CUL1: variants seen among roughly 807,000 people sequenced by gnomAD.
The protein encoded by CUL1 is cullin 1, also known as cullin-1.
CUL1 carries 24 observed loss-of-function variants against 118.0 expected under a neutral mutation model. The ratio of observed to expected loss-of-function variants is 0.20; its 90% CI spans 0.15 to 0.29. The LOEUF (loss-of-function observed/expected upper bound fraction) is 0.29. Ranked by LOEUF, CUL1 falls within the 10% of genes least tolerant of loss-of-function variation. The probability of loss-of-function intolerance (pLI) is 1.00; values close to 1 mark genes in which losing one functional copy is unlikely to be tolerated. For synonymous variants in CUL1, 332 were observed against 340.4 expected, an observed-to-expected ratio of 0.98 and a Z score of 0.27; for missense variants, 361 against 933.8, an observed-to-expected ratio of 0.39 and a Z score of 7.99.
intron 1 of CUL1, among the ~76,000 whole-genome samples, chr7:148,725,637 G>A (rs914646171): frequency 2.6e-5 from 4 of 152,130 alleles, no homozygotes; most frequent in South Asian, 2.1e-4. Flanking sequence ...CATCTGCTCC[G>A]AGAGCCCTGC....
At chr7:148,775,512 CA>C (rs551804739) in intron 9 of CUL1, among the ~76,000 whole-genome samples, 9 of 152,236 alleles carry the variant, frequency 5.9e-5, no homozygotes, top group East Asian at 5.8e-4. Context: ...TATATTAAAA[CA>C]TTTTTTTAAG....
intron 2 of CUL1, among the ~76,000 whole-genome samples, chr7:148,731,518 T>C (rs964568032): frequency 1.3e-5 from 2 of 152,230 alleles, no homozygotes; most frequent in Non-Finnish European, 2.9e-5. Context: ...TTTAAAATAA[T>C]AGCTTTATTG....
intron 9 of CUL1, among the ~76,000 whole-genome samples, chr7:148,771,106 T>C (rs1184029707): frequency 6.6e-6 from 1 of 152,192 alleles, no homozygotes; most frequent in Non-Finnish European, 1.5e-5. Flanking sequence ...TGCAAAAATG[T>C]GTAATATCAG....
At chr7:148,753,824 A>G (rs986847719) in intron 2 of CUL1, 152 bp from the exon 3 acceptor site, 1 of 566,842 alleles carries the variant, frequency 1.8e-6, no homozygotes. Flanking sequence ...CTTTATGGAT[A>G]GTGTGAATGG....
At chr7:148,768,469 C>T (rs777784443) in intron 9 of CUL1, among the ~76,000 whole-genome samples, 8 of 147,750 alleles carry the variant, frequency 5.4e-5, no homozygotes, top group Non-Finnish European at 1.0e-4. Context: ...ACTGCAACCT[C>T]CGCTTCCTGG....
intron 16 of CUL1, 39 bp downstream of exon 16, chr7:148,790,480 A>G (rs1257922301): frequency 6.4e-7 from 1 of 1,563,154 alleles, no homozygotes; most frequent in Non-Finnish European, 8.8e-7. Context: ...TTCTATTCTA[A>G]ATGAACATAA....
At chr7:148,711,993 G>A (rs1798068891) in intron 1 of CUL1, among the ~76,000 whole-genome samples, 1 of 152,156 alleles carries the variant, frequency 6.6e-6, no homozygotes, top group South Asian at 2.1e-4. Context: ...TGCACATCTG[G>A]CCTTCCACGC....
At chr7:148,789,535 CTT>C (rs1800937832) in intron 14 of CUL1, among the ~76,000 whole-genome samples, 1 of 152,110 alleles carries the variant, frequency 6.6e-6, no homozygotes, top group African/African-American at 2.4e-5. Context: ...GACTCTCACT[CTT>C]TGGAAGAAAA....
At chr7:148,772,103 C>T (rs894345623) in intron 9 of CUL1, among the ~76,000 whole-genome samples, 1 of 152,108 alleles carries the variant, frequency 6.6e-6, no homozygotes, top group Non-Finnish European at 1.5e-5. Context: ...ATAAACTCAT[C>T]GTACATTGAA....
chr7:148,744,018 T>A (rs1799229065), intron 2 of CUL1, among the ~76,000 whole-genome samples: 2 of 152,228 alleles, frequency 1.3e-5, no homozygotes, highest in Admixed American at 6.5e-5. Context: ...ATGAAATGTG[T>A]CCCTTTTTAT....
intron 1 of CUL1, among the ~76,000 whole-genome samples, chr7:148,706,251 G>A (rs931419370): frequency 1.3e-5 from 2 of 152,192 alleles, no homozygotes; most frequent in Non-Finnish European, 2.9e-5. Flanking sequence ...AAGCATTTCA[G>A]ATAAAGGATA....
chr7:148,772,972 A>G (rs6951114), intron 9 of CUL1, among the ~76,000 whole-genome samples: 7 of 151,792 alleles, frequency 4.6e-5, no homozygotes, highest in South Asian at 2.1e-4. Flanking sequence ...ACTGTTTTCT[A>G]TGCATTTTCT....
intron 1 of CUL1, among the ~76,000 whole-genome samples, chr7:148,716,968 G>A (rs1798233311): frequency 6.6e-6 from 1 of 152,204 alleles, no homozygotes; most frequent in African/African-American, 2.4e-5. Flanking sequence ...CATGTTATTA[G>A]ATCTGGCAAA....
intron 9 of CUL1, among the ~76,000 whole-genome samples, chr7:148,781,897 A>G (rs767460289): frequency 3.3e-5 from 5 of 152,266 alleles, no homozygotes; most frequent in Non-Finnish European, 7.3e-5. Context: ...CATGCTATAT[A>G]TAAACCCTGT....
chr7:148,710,501 G>A (rs576169253), intron 1 of CUL1, among the ~76,000 whole-genome samples: 1 of 152,288 alleles, frequency 6.6e-6, no homozygotes, highest in African/African-American at 2.4e-5. Context: ...CCCGGGAGGC[G>A]GAGGTTGTGG....
At chr7:148,794,965 G>A (rs1010213113) in intron 17 of CUL1, among the ~76,000 whole-genome samples, 3 of 152,052 alleles carry the variant, frequency 2.0e-5, no homozygotes, top group African/African-American at 7.2e-5. Context: ...CCAAGTAGCT[G>A]GGATTACAGG....
intron 2 of CUL1, among the ~76,000 whole-genome samples, chr7:148,752,535 T>C (rs1387129681): frequency 6.6e-6 from 1 of 152,178 alleles, no homozygotes; most frequent in Non-Finnish European, 1.5e-5. Context: ...TTTTAGATTT[T>C]CTGTGGTATA....
intron 17 of CUL1, among the ~76,000 whole-genome samples, chr7:148,795,460 A>G (rs1270299845): frequency 1.3e-5 from 2 of 151,934 alleles, no homozygotes; most frequent in Non-Finnish European, 2.9e-5. Flanking sequence ...GCTCGTTGCT[A>G]ATGTATAGAA....
chr7:148,716,646 T>C (rs747835915), intron 1 of CUL1, among the ~76,000 whole-genome samples: 2 of 152,344 alleles, frequency 1.3e-5, no homozygotes, highest in African/African-American at 4.8e-5. Flanking sequence ...GAAAAATGTA[T>C]CTACACTTAC....
Sources: allele counts gnomAD v4.1 joint callset (sites outside exome capture counted in the v4.1 genomes callset), GRCh38; gene constraint gnomAD v4.1.1; transcripts MANE v1.5; gene names NCBI Gene and HGNC (gene_info 2026-07-23, HGNC 2026-07-21).